DPYD: variants seen among roughly 807,000 people sequenced by gnomAD.
DPYD encodes dihydropyrimidine dehydrogenase, also known as dihydropyrimidine dehydrogenase [NADP(+)].
DPYD carries 109 observed loss-of-function variants against 116.2 expected under a neutral mutation model. The ratio of observed to expected loss-of-function variants is 0.94; its 90% CI spans 0.80 to 1.10. DPYD has a LOEUF of 1.10. DPYD is among the 50% of genes least tolerant of loss of function. The probability of loss-of-function intolerance (pLI) is 0.00; values close to 1 mark genes in which losing one functional copy is unlikely to be tolerated. For synonymous variants in DPYD, 440 were observed against 432.0 expected (o/e 1.02, Z -0.23); for missense variants, 1,302 against 1,254.5 (o/e 1.04, Z -0.57).
At chr1:97,867,057 A>G (rs531226210) in intron 2 of DPYD, among the ~76,000 whole-genome samples, 1 of 151,914 alleles carries the variant, frequency 6.6e-6, no homozygotes, top group South Asian at 2.1e-4. Flanking sequence ...CATTTTTTTT[A>G]ATGTCTGAGG....
chr1:97,240,502 C>G (rs1227305256), intron 18 of DPYD, among the ~76,000 whole-genome samples: 2 of 151,974 alleles, frequency 1.3e-5, no homozygotes, highest in Non-Finnish European at 2.9e-5. Context: ...ATTGTTAGAA[C>G]TAAGTCCACA....
At chr1:97,352,861 T>A (rs1180463147) in intron 16 of DPYD, among the ~76,000 whole-genome samples, 1 of 152,118 alleles carries the variant, frequency 6.6e-6, no homozygotes, top group Non-Finnish European at 1.5e-5. Flanking sequence ...AGAGAATTTG[T>A]TTTTCTGTAT....
intron 3 of DPYD, among the ~76,000 whole-genome samples, chr1:97,770,569 T>C (rs896683043): frequency 6.6e-6 from 1 of 152,172 alleles, no homozygotes; most frequent in Non-Finnish European, 1.5e-5. Context: ...ACACTGTACA[T>C]GAGAACAAAC....
At chr1:97,481,857 ACTCT>A (rs146484864) in intron 13 of DPYD, among the ~76,000 whole-genome samples, 5 of 149,412 alleles carry the variant, frequency 3.3e-5, no homozygotes, top group African/African-American at 4.9e-5. Context: ...TATAATCTCT[ACTCT>A]CTCTCTCTCT....
At chr1:97,266,086 G>T (rs1007377525) in intron 18 of DPYD, among the ~76,000 whole-genome samples, 1 of 152,084 alleles carries the variant, frequency 6.6e-6, no homozygotes, top group Non-Finnish European at 1.5e-5. Context: ...AGCTAATAGG[G>T]ACATCTAGAA....
chr1:97,626,755 G>A (rs1656955423), intron 8 of DPYD, among the ~76,000 whole-genome samples: 2 of 151,964 alleles, frequency 1.3e-5, no homozygotes, highest in Non-Finnish European at 2.9e-5. Flanking sequence ...AGAATGGAGG[G>A]GAACTTTAAT....
chr1:97,788,416 G>A (rs114394933), intron 3 of DPYD, among the ~76,000 whole-genome samples: 3,318 of 152,264 alleles, frequency 0.022, 54 homozygotes, highest in Middle Eastern at 0.045. Flanking sequence ...AGATACCTTA[G>A]CTGACGATCA....
intron 13 of DPYD, among the ~76,000 whole-genome samples, chr1:97,457,517 C>T (rs1038324026): frequency 7.2e-5 from 11 of 152,020 alleles, no homozygotes; most frequent in Admixed American, 2.0e-4. Flanking sequence ...TCTCATCTGC[C>T]GATCCGGATA....
chr1:97,590,741 G>A (rs1476049513), intron 10 of DPYD, among the ~76,000 whole-genome samples: 1 of 152,106 alleles, frequency 6.6e-6, no homozygotes, highest in African/African-American at 2.4e-5. Context: ...GGCCTTCCAA[G>A]GTGCTATGCC....
chr1:97,836,032 A>C (rs1227757698), intron 2 of DPYD, among the ~76,000 whole-genome samples: 1 of 152,164 alleles, frequency 6.6e-6, no homozygotes, highest in Non-Finnish European at 1.5e-5. Flanking sequence ...AGGATAAAAA[A>C]TTTGATGTAA....
intron 13 of DPYD, among the ~76,000 whole-genome samples, chr1:97,501,855 T>C (rs1052142113): frequency 6.6e-6 from 1 of 152,054 alleles, no homozygotes; most frequent in African/African-American, 2.4e-5. Context: ...ATTAACACTT[T>C]ACATGAGTTA....
At chr1:97,557,127 T>A (rs898654131) in intron 11 of DPYD, among the ~76,000 whole-genome samples, 84 of 151,910 alleles carry the variant, frequency 5.5e-4, no homozygotes, top group African/African-American at 2.0e-3. Context: ...CATTTTTTCA[T>A]GTGTTTTTTG....
intron 12 of DPYD, among the ~76,000 whole-genome samples, chr1:97,544,277 G>A (rs976130922): frequency 6.6e-6 from 1 of 152,094 alleles, no homozygotes; most frequent in African/African-American, 2.4e-5. Flanking sequence ...TAGCCTTATC[G>A]CTGCTTAGCA....
At chr1:97,744,945 AG>A (rs1356449159) in intron 3 of DPYD, among the ~76,000 whole-genome samples, 1 of 152,092 alleles carries the variant, frequency 6.6e-6, no homozygotes, top group Non-Finnish European at 1.5e-5. Flanking sequence ...AAAGGAGACA[AG>A]AAAGATGGCT....
At chr1:97,207,735 A>G (rs1360097971) in intron 19 of DPYD, among the ~76,000 whole-genome samples, 1 of 152,158 alleles carries the variant, frequency 6.6e-6, no homozygotes, top group South Asian at 2.1e-4. Flanking sequence ...GAGCCCAGAG[A>G]CGCTAAGGAA....
At chr1:97,259,555 C>T (rs1253086694) in intron 18 of DPYD, among the ~76,000 whole-genome samples, 1 of 151,872 alleles carries the variant, frequency 6.6e-6, no homozygotes, top group Non-Finnish European at 1.5e-5. Context: ...TCAAAGTATT[C>T]AATCAAGGTT....
chr1:97,104,049 T>C (rs966483938), intron 20 of DPYD, among the ~76,000 whole-genome samples: 2 of 152,134 alleles, frequency 1.3e-5, no homozygotes, highest in African/African-American at 4.8e-5. Flanking sequence ...TTACCCTCCC[T>C]GCCCAGTGGT....
At chr1:97,868,768 C>T (rs1317748793) in intron 2 of DPYD, among the ~76,000 whole-genome samples, 1 of 151,774 alleles carries the variant, frequency 6.6e-6, no homozygotes, top group Non-Finnish European at 1.5e-5. Context: ...ACCCTACTGC[C>T]TCACACAACT....
At chr1:97,096,287 T>C (rs1326133656) in intron 21 of DPYD, among the ~76,000 whole-genome samples, 2 of 152,176 alleles carry the variant, frequency 1.3e-5, no homozygotes, top group Admixed American at 1.3e-4. Flanking sequence ...CAATATTTAA[T>C]ATACAATCTC....
Sources: allele counts gnomAD v4.1 joint callset (sites outside exome capture counted in the v4.1 genomes callset), GRCh38; gene constraint gnomAD v4.1.1; transcripts MANE v1.5; gene names NCBI Gene and HGNC (gene_info 2026-07-23, HGNC 2026-07-21).